Variants in GHITM observed in about 807,000 individuals in gnomAD.
GHITM encodes growth hormone-inducible transmembrane protein.
Under a neutral mutation model 38.7 loss-of-function variants are expected in GHITM, and 24 were observed. The ratio of observed to expected loss-of-function variants is 0.62; its 90% CI spans 0.45 to 0.87. The LOEUF (loss-of-function observed/expected upper bound fraction) is 0.87. Among genes scored for constraint, GHITM ranks in the 40% least tolerant of loss-of-function variants. The probability of loss-of-function intolerance (pLI) is 0.00; values close to 1 mark genes in which losing one functional copy is unlikely to be tolerated. For missense variants in GHITM, 420 were observed against 429.8 expected (o/e 0.98, Z 0.20); for synonymous variants, 154 against 147.8 (o/e 1.04, Z -0.30).
chr10:84,152,242 T>TG, intron 8 of GHITM, 22 bp from the exon 9 acceptor site: 1 of 1,107,016 alleles, frequency 9.0e-7, no homozygotes. Flanking sequence ...TCATATATAA[T>TG]GGGCATAATT....
Position 84,150,829 on chromosome 10 carries a change from G to A in GHITM, c.902G>A (p.Arg301His), listed in dbSNP as rs572795538. 2.0e-5 allele frequency: 32 copies of A among 1,611,518 alleles called. No individual in the cohort carries two copies. Among genetic ancestry groups the A allele is most frequent in the African/African-American group, 1.5e-4 (11 of 74,972 alleles). Residue 301 changes from arginine to histidine, a missense_variant, in exon 8 of 9, where the codon CGT (arginine) becomes CAT (histidine). Arg to His is a conservative substitution (Grantham distance 29). Transcript: ENST00000372134. The part of the protein sequence containing the change: ...LLYDTQKVIK[R>H]AEVSPMYGVQ... ...TATGATACCCAGAAAGTAATCAAGCGTGCAGAAGTATCACCAATGTATGGA... is the reference window on the plus strand; with the variant it reads ...TATGATACCCAGAAAGTAATCAAGCATGCAGAAGTATCACCAATGTATGGA...
Position 84,150,758 on chromosome 10 carries a change from A to G in GHITM, c.831A>G (p.Ser277=), listed in dbSNP as rs556751407. 5 of 1,613,134 alleles carry G rather than the reference A, an allele frequency of 3.1e-6. No homozygotes were observed. The highest frequency in any genetic ancestry group is 1.3e-5 in the African/African-American group (1 of 75,030). ...PTTVAGATLY[S]VAMYGGLVLF... ...CCGTGGCTGGTGCCACTCTTTACTCAGTGGCAATGTACGGTGGATTAGTTC... is the reference window on the plus strand; with the variant it reads ...CCGTGGCTGGTGCCACTCTTTACTCGGTGGCAATGTACGGTGGATTAGTTC... The change falls in exon 8 of 9, where the codon TCA becomes TCG. Residue 277 remains serine (S), a synonymous_variant. Transcript: ENST00000372134.
At chr10:84,142,914 T>G (rs541855969) in intron 3 of GHITM, among the ~76,000 whole-genome samples, 160 bp downstream of exon 3, 4 of 152,380 alleles carry the variant, frequency 2.6e-5, no homozygotes, top group African/African-American at 9.6e-5. Context: ...TACTTTGCAC[T>G]GGATTCAGTG....
intron 5 of GHITM, among the ~76,000 whole-genome samples, chr10:84,147,628 T>G (rs951527455): frequency 1.3e-4 from 20 of 152,006 alleles, no homozygotes; most frequent in African/African-American, 4.8e-4. Context: ...TTTTTTTTGT[T>G]TGTTTTTTTA....
chr10:84,152,418 G>C lies in GHITM; in HGVS notation c.*70G>C, dbSNP rs1055063391. 32 of 782,932 alleles carry C rather than the reference G, an allele frequency of 4.1e-5. No individual in the cohort carries two copies. The highest frequency in any genetic ancestry group is 6.5e-5 in the Non-Finnish European group (30 of 464,008). The allele number at this position is 782,932 out of a possible 1,614,324, so 48.5% of individuals were successfully genotyped here. ...TAATGGGGCAGATATGCATTAAATA[G>C]TTTGTACAAGCAGCTTTCGTTGAAG... is the stretch of plus-strand genomic sequence containing the variant. On this transcript the variant is annotated 3_prime_UTR_variant, in exon 9 of 9. Coordinates refer to ENST00000372134, the MANE Select transcript of GHITM (RefSeq NM_014394.3).
At chr10:84,139,964 G>C (rs1001559713) in intron 1 of GHITM, 2 of 152,328 alleles carry the variant, frequency 1.3e-5, no homozygotes, top group African/African-American at 4.8e-5. Flanking sequence ...TAGCGGGCTG[G>C]GTGAACTTTC....
intron 8 of GHITM, 78 bp downstream of exon 8, chr10:84,150,958 T>C: frequency 9.8e-7 from 1 of 1,015,708 alleles, no homozygotes; most frequent in South Asian, 1.4e-5. Context: ...TTTTGGTTTA[T>C]GGCTGTATTA....
chr10:84,140,023 C>T (rs7087209), intron 1 of GHITM: 13,169 of 152,234 alleles, frequency 0.087, 770 homozygotes, highest in East Asian at 0.22. Context: ...GGCATAAGCC[C>T]TTGGATTAGG....
At chr10:84,151,847 T>C (rs1255844577) in intron 8 of GHITM, among the ~76,000 whole-genome samples, 5 of 152,198 alleles carry the variant, frequency 3.3e-5, no homozygotes, top group African/African-American at 4.8e-5. Flanking sequence ...GTTGCTGTAC[T>C]GTAAAGCTTA....
chr10:84,142,501 G>C (rs754976255), intron 2 of GHITM, 154 bp from the exon 3 acceptor site: 2 of 153,438 alleles, frequency 1.3e-5, no homozygotes, highest in Non-Finnish European at 2.9e-5. Flanking sequence ...AGTTTTTTAA[G>C]TTGGCTAATA....
chr10:84,151,544 T>G (rs1393847319), intron 8 of GHITM, among the ~76,000 whole-genome samples: 1 of 152,232 alleles, frequency 6.6e-6, no homozygotes, highest in African/African-American at 2.4e-5. Flanking sequence ...ATTAATCAAG[T>G]ATTATTTATT....
chr10:84,146,644 G>A (rs1055137232), intron 5 of GHITM, among the ~76,000 whole-genome samples: 1 of 152,172 alleles, frequency 6.6e-6, no homozygotes, highest in Non-Finnish European at 1.5e-5. Context: ...GTTTTAATCA[G>A]AAGCAAATAA....
At chr10:84,140,848 A>G (rs1472686553) in intron 1 of GHITM, among the ~76,000 whole-genome samples, 1 of 152,224 alleles carries the variant, frequency 6.6e-6, no homozygotes, top group East Asian at 1.9e-4. Flanking sequence ...TTGAAAGACT[A>G]AATGTCCTTT....
At chr10:84,146,866 C>CAT (rs1372013213) in intron 5 of GHITM, among the ~76,000 whole-genome samples, 2 of 152,250 alleles carry the variant, frequency 1.3e-5, no homozygotes, top group East Asian at 3.9e-4. Context: ...GTGTGACAGA[C>CAT]ATATATATAC....
intron 8 of GHITM, among the ~76,000 whole-genome samples, chr10:84,151,891 G>A (rs1269025954): frequency 6.6e-6 from 1 of 152,140 alleles, no homozygotes; most frequent in African/African-American, 2.4e-5. Flanking sequence ...GAGGGGTGAA[G>A]TGGGTCTTTT....
At chr10:84,148,183 C>T (rs140673197) in intron 5 of GHITM, among the ~76,000 whole-genome samples, 152 of 152,252 alleles carry the variant, frequency 1.0e-3, no homozygotes, top group African/African-American at 3.4e-3. Flanking sequence ...TCTGCAAAAC[C>T]TCATATATGG....
At chr10:84,148,862 C>G (rs143050321) in intron 6 of GHITM, 24 bp downstream of exon 6, 15 of 1,427,498 alleles carry the variant, frequency 1.1e-5, no homozygotes, top group Non-Finnish European at 1.4e-5. Flanking sequence ...TAAATTGTTA[C>G]GAGACAACCT....
chr10:84,150,261 AAC>A lies in GHITM; in HGVS notation c.781+21_781+22del. 1 of 1,563,492 alleles carries A rather than the reference AAC, an allele frequency of 6.4e-7. No individual in the cohort carries two copies. Among genetic ancestry groups the A allele is most frequent in the Non-Finnish European group, 8.7e-7 (1 of 1,148,308 alleles). On this transcript the variant is annotated intron_variant, in intron 7 of 8. Coordinates refer to ENST00000372134, the MANE Select transcript of GHITM (RefSeq NM_014394.3). ...CTCATTGGGTAAGCTGCTGTGTTTT[AAC>A]ACTTAATTCTTGGTGCATAGTTTCC...
At chr10:84,150,279 C>T in intron 7 of GHITM, 36 bp downstream of exon 7, 1 of 1,447,932 alleles carries the variant, frequency 6.9e-7, no homozygotes, top group Non-Finnish European at 9.3e-7. Flanking sequence ...ATTCTTGGTG[C>T]ATAGTTTCCT....
Sources: gnomAD v4.1 joint callset for allele counts (sites outside exome capture counted in the v4.1 genomes callset) on GRCh38, gnomAD v4.1.1 for gene constraint, MANE v1.5 for transcripts, NCBI Gene and HGNC (gene_info 2026-07-23, HGNC 2026-07-21) for gene names.